Variants in PARPBP observed in about 807,000 individuals in gnomAD.
PARPBP encodes the protein PCNA-interacting partner.
A neutral mutation model predicts 50.0 loss-of-function variants in PARPBP; 52 were observed. The ratio of observed to expected loss-of-function variants is 1.04; its 90% CI spans 0.83 to 1.31. The LOEUF (loss-of-function observed/expected upper bound fraction) is 1.31. PARPBP is among the 50% of genes most tolerant of loss of function. The pLI is 0.00. For missense variants in PARPBP, 697 were observed against 672.0 expected (o/e 1.04, Z -0.41); for synonymous variants, 244 against 232.1 (o/e 1.05, Z -0.47).
At chr12:102,154,911 A>C in intron 4 of PARPBP, 1 of 431,254 alleles carries the variant, frequency 2.3e-6, no homozygotes, top group South Asian at 1.7e-5. Context: ...AAGGGTGGCC[A>C]CCTATGAGAC....
intron 2 of PARPBP, among the ~76,000 whole-genome samples, chr12:102,139,213 A>C (rs1027351285): frequency 6.6e-6 from 1 of 152,100 alleles, no homozygotes; most frequent in Non-Finnish European, 1.5e-5. Flanking sequence ...CATCCCTTGT[A>C]AGTTGGGTTC....
chr12:102,141,206 C>G (rs548378432), intron 2 of PARPBP, among the ~76,000 whole-genome samples: 1 of 152,258 alleles, frequency 6.6e-6, no homozygotes, highest in South Asian at 2.1e-4. Context: ...GTTAGCTCTT[C>G]TTGTTGAATT....
At chr12:102,160,245 A>G (rs1311672776) in intron 4 of PARPBP, among the ~76,000 whole-genome samples, 4 of 152,234 alleles carry the variant, frequency 2.6e-5, no homozygotes, top group Non-Finnish European at 5.9e-5. Context: ...GAGGACTCCA[A>G]GATGTTTTTC....
intron 2 of PARPBP, among the ~76,000 whole-genome samples, chr12:102,128,985 A>G (rs1380487411): frequency 1.3e-5 from 2 of 152,088 alleles, no homozygotes; most frequent in Non-Finnish European, 2.9e-5. Flanking sequence ...TATCTTTTCA[A>G]TAATGGCCAT....
In PARPBP at chr12:102,148,449, AAC is replaced by A. The variant is rs201931080; in HGVS notation, c.377_378del (p.Thr126SerfsTer4). On this transcript the variant is annotated frameshift_variant, in exon 3 of 11. Coordinates refer to ENST00000327680, the MANE Select transcript of PARPBP (RefSeq NM_017915.5). LOFTEE classifies it high-confidence loss of function. ...RALTSNCENY[N>X]TVSPSQLLDF... Reference sequence around the variant, plus strand: ...TTTGACTTCTAATTGTGAAAATTATAACACAGTATCTCCTGTAAGTATTTTTT... The same window carrying A: ...TTTGACTTCTAATTGTGAAAATTATAACAGTATCTCCTGTAAGTATTTTTT... 1,476 of 1,330,064 alleles carry A rather than the reference AAC, an allele frequency of 1.1e-3. 27 individuals are homozygous for A. The East Asian group carries it at 0.033, about 30-fold the overall frequency. 82.4% of individuals were successfully genotyped at this position (1,330,064 alleles called of 1,614,324 possible). A position where few individuals can be genotyped will look rare whatever the true frequency, so the allele number is the denominator to read the frequency against.
intron 1 of PARPBP, among the ~76,000 whole-genome samples, chr12:102,121,361 A>C (rs556336256): frequency 1.3e-3 from 204 of 152,228 alleles, no homozygotes; most frequent in African/African-American, 4.7e-3. Context: ...AGTGTCCATA[A>C]AAAAAGTTTT....
intron 4 of PARPBP, among the ~76,000 whole-genome samples, chr12:102,158,283 G>A (rs1201375240): frequency 6.6e-6 from 1 of 151,804 alleles, no homozygotes; most frequent in African/African-American, 2.4e-5. Flanking sequence ...CCAATTTAGG[G>A]GTTAGTGTAA....
chr12:102,174,370 A>C (rs1173479543), intron 6 of PARPBP, among the ~76,000 whole-genome samples: 1 of 152,202 alleles, frequency 6.6e-6, no homozygotes, highest in Non-Finnish European at 1.5e-5. Context: ...TTCCTCTTCT[A>C]TCTGGACCAG....
intron 3 of PARPBP, among the ~76,000 whole-genome samples, chr12:102,150,559 C>A (rs1447492858): frequency 6.6e-6 from 1 of 152,212 alleles, no homozygotes; most frequent in African/African-American, 2.4e-5. Context: ...TCCCTCTTCA[C>A]TCCCTACTTA....
chr12:102,153,173 G>A (rs1886439296), intron 3 of PARPBP, among the ~76,000 whole-genome samples: 1 of 152,112 alleles, frequency 6.6e-6, no homozygotes, highest in African/African-American at 2.4e-5. Context: ...CAGCATGCAG[G>A]ACGACAGCTT....
chr12:102,196,420 G>C lies in PARPBP; in HGVS notation c.*129G>C, dbSNP rs1891322655. The stretch of plus-strand genomic sequence containing the variant: ...TTGGTCTACAGTGTATGTAAGGTTA[G>C]TATGTTAAGCATTGTTTAAAAATAC... On this transcript the variant is annotated 3_prime_UTR_variant, in exon 11 of 11. Transcript: ENST00000327680. 5 of 741,440 alleles carry C rather than the reference G, an allele frequency of 6.7e-6. No individual in the cohort carries two copies. The highest frequency in any genetic ancestry group is 5.2e-5 in the East Asian group (2 of 38,234). 45.9% of individuals were successfully genotyped at this position (741,440 alleles called of 1,614,324 possible).
intron 6 of PARPBP, among the ~76,000 whole-genome samples, chr12:102,170,235 A>G (rs892326166): frequency 6.6e-6 from 1 of 152,206 alleles, no homozygotes; most frequent in Non-Finnish European, 1.5e-5. Context: ...CACATTTATC[A>G]CACAACTTTT....
At chr12:102,122,555 A>T (rs185784512) in intron 1 of PARPBP, among the ~76,000 whole-genome samples, 29 of 152,346 alleles carry the variant, frequency 1.9e-4, no homozygotes, top group Admixed American at 8.5e-4. Context: ...TTGAGTACTT[A>T]AAGTAGGAAA....
chr12:102,140,341 G>A lies in PARPBP; in HGVS notation c.154-7889G>A, dbSNP rs552488933. On this transcript the variant is annotated intron_variant, in intron 2 of 10. Coordinates refer to ENST00000327680, the MANE Select transcript of PARPBP (RefSeq NM_017915.5). ...GATTGGTGGTGATATCCCCTTTATCGTTTTTTATTGTGGCTATTTGATTCT... is the reference window on the plus strand; with the variant it reads ...GATTGGTGGTGATATCCCCTTTATCATTTTTTATTGTGGCTATTTGATTCT... Among the ~76,000 whole-genome samples the A allele has an allele frequency of 4.6e-5, 7 of 152,026 alleles. No homozygotes were observed. The South Asian group carries it at 1.5e-3, about 32-fold the overall frequency.
Position 102,197,455 on chromosome 12 carries a change from T to C in PARPBP, c.*1164T>C. 1 of 1,409,790 alleles carries C rather than the reference T, an allele frequency of 7.1e-7. No individual in the cohort carries two copies. Among genetic ancestry groups the C allele is most frequent in the South Asian group, 1.3e-5 (1 of 74,742 alleles). The allele number at this position is 1,409,790 out of a possible 1,614,324, so 87.3% of individuals were successfully genotyped here. ...GTTTATAAAAGTATCAGTTTTACTT[T>C]TCAGAGGATTTGTAAGAATCATTTA... On this transcript the variant is annotated 3_prime_UTR_variant, in exon 11 of 11. Coordinates refer to ENST00000327680, the MANE Select transcript of PARPBP (RefSeq NM_017915.5).
intron 4 of PARPBP, 63 bp from the exon 5 acceptor site, chr12:102,164,375 G>T: frequency 8.0e-7 from 1 of 1,247,916 alleles, no homozygotes. Flanking sequence ...TACTGCTTAT[G>T]AAAAAGATTA....
chr12:102,132,793 A>C (rs1473878994), intron 2 of PARPBP, among the ~76,000 whole-genome samples: 1 of 152,192 alleles, frequency 6.6e-6, no homozygotes, highest in African/African-American at 2.4e-5. Flanking sequence ...TCAATATGGG[A>C]TAACTTTCCG....
At chr12:102,194,542 C>T (rs1369011325) in intron 9 of PARPBP, among the ~76,000 whole-genome samples, 1 of 151,858 alleles carries the variant, frequency 6.6e-6, no homozygotes, top group Non-Finnish European at 1.5e-5. Context: ...GAACAAATTT[C>T]CAAAACTACT....
chr12:102,182,211 G>C (rs1240171435), intron 8 of PARPBP, among the ~76,000 whole-genome samples: 1 of 152,146 alleles, frequency 6.6e-6, no homozygotes, highest in Non-Finnish European at 1.5e-5. Flanking sequence ...GTGAACCACA[G>C]TATTCAGATA....
Sources: allele counts gnomAD v4.1 joint callset (sites outside exome capture counted in the v4.1 genomes callset), GRCh38; gene constraint gnomAD v4.1.1; transcripts MANE v1.5; gene names NCBI Gene and HGNC (gene_info 2026-07-23, HGNC 2026-07-21).